Variants in SELENOI observed in about 807,000 individuals in gnomAD.
SELENOI encodes ethanolaminephosphotransferase 1.
In SELENOI, 24 loss-of-function variants were observed where a neutral mutation model predicts 50.7. The ratio of observed to expected loss-of-function variants is 0.47; its 90% CI spans 0.34 to 0.67. The LOEUF is 0.67. Among genes scored for constraint, SELENOI ranks in the 30% least tolerant of loss-of-function variants. The pLI is 0.01. For synonymous variants in SELENOI, 155 were observed against 170.2 expected, an observed-to-expected ratio of 0.91 and a Z score of 0.70; for missense variants, 352 against 461.4, an observed-to-expected ratio of 0.76 and a Z score of 2.17.
At chr2:26,370,249 T>C (rs1677386428) in intron 4 of SELENOI, among the ~76,000 whole-genome samples, 1 of 151,828 alleles carries the variant, frequency 6.6e-6, no homozygotes, top group Non-Finnish European at 1.5e-5. Flanking sequence ...AAGTCTCCCA[T>C]GTCTACCTCT....
At chr2:26,361,718 A>G (rs947514370) in intron 1 of SELENOI, among the ~76,000 whole-genome samples, 4 of 151,810 alleles carry the variant, frequency 2.6e-5, no homozygotes, top group South Asian at 2.1e-4. Context: ...CAGTGGCACA[A>G]TCTTGGCTCA....
intron 4 of SELENOI, among the ~76,000 whole-genome samples, chr2:26,368,131 C>T (rs1677330885): frequency 6.6e-6 from 1 of 152,138 alleles, no homozygotes; most frequent in Admixed American, 6.5e-5. Context: ...CTCATAAAAC[C>T]AGCATAACCT....
chr2:26,348,961 A>ATTTT (rs1353609901), intron 1 of SELENOI, among the ~76,000 whole-genome samples: 1 of 80,032 alleles, frequency 1.2e-5, no homozygotes. Context: ...TTTCAGCCTT[A>ATTTT]TTTTTGCCTC....
chr2:26,372,427 G>A (rs1343275859), intron 4 of SELENOI, among the ~76,000 whole-genome samples: 2 of 152,056 alleles, frequency 1.3e-5, no homozygotes, highest in African/African-American at 2.4e-5. Context: ...TTTCTCAATT[G>A]TAAATTCTCT....
chr2:26,367,005 CG>C, intron 3 of SELENOI, 140 bp from the exon 4 acceptor site: 1 of 653,768 alleles, frequency 1.5e-6, no homozygotes, highest in Non-Finnish European at 2.3e-6. Flanking sequence ...GTATTATTTA[CG>C]TAATTCTGGA....
chr2:26,385,824 A>G (rs1677826930), intron 8 of SELENOI, among the ~76,000 whole-genome samples: 1 of 152,186 alleles, frequency 6.6e-6, no homozygotes, highest in African/African-American at 2.4e-5. Flanking sequence ...TAGGGTTTAA[A>G]TATCTAAAAA....
intron 5 of SELENOI, 64 bp downstream of exon 5, chr2:26,373,693 T>C: frequency 6.6e-7 from 1 of 1,520,070 alleles, no homozygotes; most frequent in Non-Finnish European, 8.9e-7. Context: ...GCTTTTGTCA[T>C]TGCTTATTTA....
chr2:26,346,192 C>T lies in SELENOI; in HGVS notation c.-41C>T, dbSNP rs1413042690. ...TGCTTGTGTGTCACAGCCTTGTAGC[C>T]GGGAGTCGCTGCCGAGTGGGCGCTC... On this transcript the variant is annotated 5_prime_UTR_variant, in exon 1 of 10. Coordinates refer to ENST00000260585, the MANE Select transcript of SELENOI (RefSeq NM_033505.4). The T allele has an allele frequency of 5.0e-6, 8 of 1,613,044 alleles. No individual in the cohort carries two copies. The highest frequency in any genetic ancestry group is 1.3e-5 in the African/African-American group (1 of 74,904).
At chr2:26,367,074 C>T in intron 3 of SELENOI, 72 bp from the exon 4 acceptor site, 2 of 1,244,666 alleles carry the variant, frequency 1.6e-6, no homozygotes, top group Non-Finnish European at 2.3e-6. Context: ...ACACTTCTCA[C>T]TGTCAGTATA....
chr2:26,354,829 G>A lies in SELENOI; in HGVS notation c.57+8540G>A, dbSNP rs374014911. On this transcript the variant is annotated intron_variant, in intron 1 of 9. Coordinates refer to ENST00000260585, the MANE Select transcript of SELENOI (RefSeq NM_033505.4). Reference sequence around the variant, plus strand: ...CCTGATTTTGTTTACTCTTTCCCTGGTTTAAAATTATTAGTAGGGGCAAGC... The same window carrying A: ...CCTGATTTTGTTTACTCTTTCCCTGATTTAAAATTATTAGTAGGGGCAAGC... Among the ~76,000 whole-genome samples the A allele has an allele frequency of 1.5e-3, 229 of 152,296 alleles. 6 individuals are homozygous for A. The South Asian group carries it at 0.046, about 31-fold the overall frequency.
chr2:26,353,817 C>A (rs573601903), intron 1 of SELENOI, among the ~76,000 whole-genome samples: 12 of 152,264 alleles, frequency 7.9e-5, no homozygotes, highest in Admixed American at 7.9e-4. Flanking sequence ...AATAACAGTT[C>A]ACTGATGATG....
At chr2:26,349,114 C>A (rs1006025369) in intron 1 of SELENOI, among the ~76,000 whole-genome samples, 12 of 140,974 alleles carry the variant, frequency 8.5e-5, no homozygotes, top group African/African-American at 3.1e-4. Flanking sequence ...CTCCTGCGTT[C>A]AAGCGATTCT....
chr2:26,380,573 A>G (rs1361335270), intron 6 of SELENOI, among the ~76,000 whole-genome samples: 1 of 152,144 alleles, frequency 6.6e-6, no homozygotes, highest in East Asian at 1.9e-4. Context: ...CTGTTGTACA[A>G]ATTGCTGCAG....
intron 1 of SELENOI, among the ~76,000 whole-genome samples, chr2:26,361,123 A>G (rs2147948171): frequency 1.3e-5 from 2 of 152,338 alleles, no homozygotes; most frequent in East Asian, 3.9e-4. Flanking sequence ...CTGAAGCAGG[A>G]GAATGGCATG....
intron 6 of SELENOI, among the ~76,000 whole-genome samples, chr2:26,380,909 A>G (rs574259707): frequency 6.4e-4 from 97 of 152,002 alleles, no homozygotes; most frequent in African/African-American, 2.3e-3. Context: ...AGCCGTTTGT[A>G]TGTCCTTTTC....
chr2:26,364,078 C>CTTT (rs59396679), intron 1 of SELENOI, among the ~76,000 whole-genome samples: 3 of 114,910 alleles, frequency 2.6e-5, no homozygotes, highest in Admixed American at 9.0e-5. Flanking sequence ...CTTTCTCCCC[C>CTTT]TTTTTTTTTT....
intron 6 of SELENOI, among the ~76,000 whole-genome samples, chr2:26,378,418 G>A (rs1248840856): frequency 1.3e-5 from 2 of 152,128 alleles, no homozygotes; most frequent in Admixed American, 6.5e-5. Flanking sequence ...TGGGGTCTCC[G>A]ATTTGCTTGC....
intron 1 of SELENOI, among the ~76,000 whole-genome samples, chr2:26,358,520 C>T (rs1438606078): frequency 6.6e-6 from 1 of 152,182 alleles, no homozygotes; most frequent in Non-Finnish European, 1.5e-5. Flanking sequence ...CCACAATGCC[C>T]GGTCCATAAT....
intron 4 of SELENOI, among the ~76,000 whole-genome samples, chr2:26,368,997 T>C (rs1363126706): frequency 1.4e-4 from 22 of 152,220 alleles, no homozygotes; most frequent in Admixed American, 1.4e-3. Context: ...GAATGTACTT[T>C]GGTGAGCAAG....
Sources: allele counts gnomAD v4.1 joint callset (sites outside exome capture counted in the v4.1 genomes callset), GRCh38; gene constraint gnomAD v4.1.1; transcripts MANE v1.5; gene names NCBI Gene and HGNC (gene_info 2026-07-23, HGNC 2026-07-21).